The following OR51E2 variants were observed in gnomAD, a reference collection of about 807,000 sequenced individuals.
OR51E2 encodes the protein olfactory receptor family 51 subfamily E member 2.
In OR51E2, 14 loss-of-function variants were observed where a neutral mutation model predicts 13.7. The observed-to-expected ratio is 1.02, with a 90% CI of 0.68 to 1.60. The LOEUF (loss-of-function observed/expected upper bound fraction) is 1.60. Among genes scored for constraint, OR51E2 ranks in the 40% most tolerant of loss-of-function variants. The pLI is 0.00. For synonymous variants in OR51E2, 180 were observed against 157.6 expected (o/e 1.14, Z -1.07); for missense variants, 483 against 413.8 (o/e 1.17, Z -1.45).
intron 1 of OR51E2, among the ~76,000 whole-genome samples, chr11:4,693,285 AAAAGGAATTACCAG>A (rs2133252338): frequency 1.3e-5 from 2 of 152,354 alleles, no homozygotes; most frequent in South Asian, 4.1e-4. Context: ...AAACACACTA[AAAAGGAATTACCAG>A]AAAGAGAGCA....
chr11:4,693,721 C>CA (rs1847618183), intron 1 of OR51E2, among the ~76,000 whole-genome samples: 1 of 151,994 alleles, frequency 6.6e-6, no homozygotes, highest in African/African-American at 2.4e-5. Context: ...GACTCCGTTT[C>CA]AAAAAACAAA....
chr11:4,694,826 C>A (rs2133253732), intron 1 of OR51E2, among the ~76,000 whole-genome samples: 1 of 152,136 alleles, frequency 6.6e-6, no homozygotes, highest in South Asian at 2.1e-4. Context: ...TGTGTGCATA[C>A]ATGAATGTGT....
At chr11:4,683,175 A>G (rs1455842645) in intron 1 of OR51E2, among the ~76,000 whole-genome samples, 1 of 152,146 alleles carries the variant, frequency 6.6e-6, no homozygotes, top group Non-Finnish European at 1.5e-5. Flanking sequence ...TCATTCCAGA[A>G]GCATTACTAG....
At chr11:4,685,550 C>T (rs1203450578) in intron 1 of OR51E2, among the ~76,000 whole-genome samples, 2 of 152,170 alleles carry the variant, frequency 1.3e-5, no homozygotes, top group Non-Finnish European at 2.9e-5. Context: ...CTTTCCCTAA[C>T]CTTTCTTCTG....
chr11:4,684,388 A>G (rs1226369212), intron 1 of OR51E2, among the ~76,000 whole-genome samples: 1 of 152,014 alleles, frequency 6.6e-6, no homozygotes, highest in Non-Finnish European at 1.5e-5. Context: ...TATCCGTCAT[A>G]GCTTGGGGAA....
At chr11:4,687,102 A>G (rs1329656557) in intron 1 of OR51E2, among the ~76,000 whole-genome samples, 1 of 152,134 alleles carries the variant, frequency 6.6e-6, no homozygotes, top group Non-Finnish European at 1.5e-5. Context: ...TACAGAAACA[A>G]ATAAACAAAA....
At chr11:4,688,176 G>T (rs745594281) in intron 1 of OR51E2, among the ~76,000 whole-genome samples, 104 of 152,254 alleles carry the variant, frequency 6.8e-4, no homozygotes, top group African/African-American at 1.9e-3. Context: ...ATATACTGGG[G>T]TATAAAAATG....
intron 1 of OR51E2, chr11:4,691,261 C>T: frequency 2.2e-6 from 1 of 457,046 alleles, no homozygotes; most frequent in Non-Finnish European, 4.4e-6. Context: ...ACACTTGCCA[C>T]TCCAATTTGA....
At chr11:4,696,456 A>C (rs1847657933) in intron 1 of OR51E2, among the ~76,000 whole-genome samples, 1 of 152,202 alleles carries the variant, frequency 6.6e-6, no homozygotes, top group Non-Finnish European at 1.5e-5. Flanking sequence ...TGAAATGTAA[A>C]AGATGAGAAC....
At chr11:4,697,547 C>T (rs1197428953) in intron 1 of OR51E2, 106 bp downstream of exon 1, 1 of 152,686 alleles carries the variant, frequency 6.5e-6, no homozygotes, top group Non-Finnish European at 1.5e-5. Context: ...ACCATACCAA[C>T]ATCTAATCTA....
intron 1 of OR51E2, chr11:4,685,040 A>C (rs1292945172): frequency 1.3e-5 from 2 of 152,358 alleles, no homozygotes; most frequent in Admixed American, 1.3e-4. Context: ...GCCTGACCCC[A>C]GGTAAGGGTG....
intron 1 of OR51E2, among the ~76,000 whole-genome samples, chr11:4,693,710 A>C (rs748001103): frequency 1.2e-4 from 19 of 152,162 alleles, no homozygotes; most frequent in Non-Finnish European, 2.6e-4. Flanking sequence ...CGACAGAGCG[A>C]GACTCCGTTT....
At chr11:4,684,655 T>C (rs1278903632) in intron 1 of OR51E2, among the ~76,000 whole-genome samples, 1 of 152,162 alleles carries the variant, frequency 6.6e-6, no homozygotes, top group Admixed American at 6.5e-5. Context: ...GCTGGGTACT[T>C]TCTTAAGCCC....
intron 1 of OR51E2, chr11:4,692,305 T>C (rs771902400): frequency 3.3e-6 from 1 of 305,950 alleles, no homozygotes; most frequent in Non-Finnish European, 6.6e-6. Flanking sequence ...ACCCTTACAA[T>C]ATGATACCCG....
rs1470659164 is a variant in OR51E2 at position 4,682,646 on chromosome 11, G to A, written c.66C>T (p.Ala22=). ...VLIGIPGLEK[A]HFWVGFPLLS... ...GGAGGGGGAAGCCAACCCAGAAATG[G>A]GCTTTCTCTAATCCTGGGATACCAA... Residue 22 remains alanine (A), a synonymous_variant, in exon 2 of 2, where the codon GCC becomes GCT. Coordinates refer to ENST00000396950, the MANE Select transcript of OR51E2 (RefSeq NM_030774.4). 1 of 1,614,198 alleles carries A rather than the reference G, an allele frequency of 6.2e-7. No homozygotes were observed. Among genetic ancestry groups the A allele is most frequent in the South Asian group, 1.1e-5 (1 of 91,080 alleles).
At chr11:4,691,889 T>G (rs1847586517) in intron 1 of OR51E2, among the ~76,000 whole-genome samples, 1 of 152,224 alleles carries the variant, frequency 6.6e-6, no homozygotes, top group Non-Finnish European at 1.5e-5. Context: ...TAGTGGGCAC[T>G]TTGGTTTGTT....
In OR51E2 at chr11:4,681,544, T is replaced by G; in HGVS notation, c.*205A>C. 1 of 585,414 alleles carries G rather than the reference T, an allele frequency of 1.7e-6. No homozygotes were observed. The highest frequency in any genetic ancestry group is 3.0e-6 in the Non-Finnish European group (1 of 336,586). 36.3% of individuals were successfully genotyped at this position (585,414 alleles called of 1,614,324 possible). The stretch of plus-strand genomic sequence containing the variant: ...TTAATGTTATAAGCATGTTTGGTTT[T>G]ATTGTAGTCTTTAAATCATGTAATA... On this transcript the variant is annotated 3_prime_UTR_variant, in exon 2 of 2. Transcript: ENST00000396950.
chr11:4,684,320 T>A (rs1847491426), intron 1 of OR51E2, among the ~76,000 whole-genome samples: 1 of 152,208 alleles, frequency 6.6e-6, no homozygotes. Flanking sequence ...AGCAGATGAT[T>A]GCATCCTTTA....
chr11:4,683,468 G>A (rs1026956916), intron 1 of OR51E2, among the ~76,000 whole-genome samples: 1 of 151,970 alleles, frequency 6.6e-6, no homozygotes, highest in Admixed American at 6.6e-5. Flanking sequence ...AATCTCTTTC[G>A]GATTAAAGGA....
Sources: gnomAD v4.1 joint callset for allele counts (sites outside exome capture counted in the v4.1 genomes callset) on GRCh38, gnomAD v4.1.1 for gene constraint, MANE v1.5 for transcripts, NCBI Gene and HGNC (gene_info 2026-07-23, HGNC 2026-07-21) for gene names.